OR8B2: variants seen among roughly 807,000 people sequenced by gnomAD.
The protein encoded by OR8B2 is olfactory receptor family 8 subfamily B member 2, also known as olfactory receptor 8B2.
For missense variants in OR8B2, 304 were observed against 379.6 expected, an observed-to-expected ratio of 0.80 and a Z score of 1.65; for synonymous variants, 98 against 138.2, an observed-to-expected ratio of 0.71 and a Z score of 2.04.
chr11:124,382,861 C>G lies in OR8B2; in HGVS notation c.483G>C (p.Gly161=), dbSNP rs575166006. The change falls in exon 2 of 2, where the codon GGG becomes GGC. Residue 161 remains glycine, a synonymous_variant. Transcript: ENST00000641451. Reference sequence around the variant, plus strand: ...TGCAGAAGGTGAGTCTAAGCATGCACCCGGTGTGGGCCGTGGCTCCAGCCA... The same window carrying G: ...TGCAGAAGGTGAGTCTAAGCATGCAGCCGGTGTGGGCCGTGGCTCCAGCCA... The part of the protein sequence containing the change: ...MGLAGATAHT[G]CMLRLTFCSA... 1.5e-5 allele frequency: 24 copies of G among 1,602,546 alleles called. 1 individual carries two copies. Among genetic ancestry groups the G allele is most frequent in the Middle Eastern group, 1.7e-4 (1 of 6,032 alleles).
the OR8B2 span, among the ~76,000 whole-genome samples, chr11:124,390,992 C>G: frequency 1.3e-5 from 2 of 152,092 alleles, no homozygotes; most frequent in South Asian, 4.1e-4. Context: ...GCTTCAAAGC[C>G]TTTTCTTTCT....
chr11:124,389,658 G>T, the OR8B2 span, among the ~76,000 whole-genome samples: 1 of 152,112 alleles, frequency 6.6e-6, no homozygotes, highest in Non-Finnish European at 1.5e-5. Flanking sequence ...AATCATTTTG[G>T]CAGAGAAAAA....
upstream of OR8B2, among the ~76,000 whole-genome samples, chr11:124,386,699 A>G (rs965626727): frequency 3.3e-5 from 5 of 151,906 alleles, no homozygotes; most frequent in African/African-American, 1.2e-4. Flanking sequence ...GCTATTGTGA[A>G]TAGTGCCGCA....
upstream of OR8B2, among the ~76,000 whole-genome samples, chr11:124,386,176 T>TA (rs1359406173): frequency 7.2e-5 from 11 of 151,916 alleles, no homozygotes; most frequent in East Asian, 2.1e-3. Flanking sequence ...TTCTACCTTT[T>TA]TTTTTTGTCC....
chr11:124,395,284 A>G, the OR8B2 span, among the ~76,000 whole-genome samples: 1 of 152,142 alleles, frequency 6.6e-6, no homozygotes, highest in Non-Finnish European at 1.5e-5. Flanking sequence ...CAAAAACAAA[A>G]CAAAACAAAA....
intron 1 of OR8B2, among the ~76,000 whole-genome samples, chr11:124,384,104 C>A (rs1167242981): frequency 6.6e-6 from 1 of 152,044 alleles, no homozygotes; most frequent in Non-Finnish European, 1.5e-5. Context: ...CCCTTAAACT[C>A]TTCTATATGT....
the OR8B2 span, among the ~76,000 whole-genome samples, chr11:124,393,814 A>G: frequency 6.6e-6 from 1 of 151,456 alleles, no homozygotes; most frequent in East Asian, 1.9e-4. Context: ...ACGTATGTTT[A>G]TTGTGGCACT....
the OR8B2 span, chr11:124,396,808 G>A: frequency 1.9e-6 from 3 of 1,590,548 alleles, no homozygotes; most frequent in African/African-American, 2.7e-5. Flanking sequence ...AGGAGGGGGA[G>A]TATGTCACAC....
the OR8B2 span, among the ~76,000 whole-genome samples, chr11:124,392,239 C>G: frequency 9.2e-6 from 1 of 108,222 alleles, no homozygotes; most frequent in African/African-American, 4.4e-5. Context: ...TCCTATTCAA[C>G]ATAGTGTTGG....
At chr11:124,394,347 G>A in the OR8B2 span, among the ~76,000 whole-genome samples, 1 of 152,052 alleles carries the variant, frequency 6.6e-6, no homozygotes. Context: ...AGAAGGAGAT[G>A]TCAAGAAATA....
chr11:124,391,479 A>G, the OR8B2 span, among the ~76,000 whole-genome samples: 1 of 152,198 alleles, frequency 6.6e-6, no homozygotes, highest in Admixed American at 6.5e-5. Context: ...AGAGAATACT[A>G]CAAACACCTC....
chr11:124,389,920 C>T, the OR8B2 span, among the ~76,000 whole-genome samples: 31 of 151,910 alleles, frequency 2.0e-4, no homozygotes, highest in African/African-American at 2.2e-4. Context: ...AAGAGCAAAA[C>T]ATTGGCACAG....
At chr11:124,396,173 A>G in the OR8B2 span, 1 of 427,504 alleles carries the variant, frequency 2.3e-6, no homozygotes. Context: ...TGATAATGAA[A>G]AATATCAGTG....
At chr11:124,396,546 T>A in the OR8B2 span, 30 of 1,613,856 alleles carry the variant, frequency 1.9e-5, no homozygotes, top group Non-Finnish European at 2.5e-5. Context: ...AACTTTTCCC[T>A]GCTCCATAGA....
chr11:124,396,630 C>T, the OR8B2 span: 10 of 1,611,900 alleles, frequency 6.2e-6, no homozygotes, highest in Non-Finnish European at 7.6e-6. Context: ...ATGAGAGCTA[C>T]AAGTACTGAA....
chr11:124,396,212 A>G, the OR8B2 span: 13 of 555,456 alleles, frequency 2.3e-5, no homozygotes, highest in Middle Eastern at 4.7e-4. Flanking sequence ...AGATGCCATG[A>G]CCTATTTAGT....
rs1179574703 is a variant in OR8B2, at chr11:124,384,446, TG to T, written c.-91del. ...ACCTCCACTGCCCTGGAGGTAGAACTGGTGGTGAAGGTATCTACGTTGACCA... is the reference window on the plus strand; with the variant it reads ...ACCTCCACTGCCCTGGAGGTAGAACTGTGGTGAAGGTATCTACGTTGACCA... On this transcript the variant is annotated 5_prime_UTR_variant, in exon 1 of 2. Coordinates refer to ENST00000641451, the MANE Select transcript of OR8B2 (RefSeq NM_001005468.2). 6.6e-6 allele frequency: 1 copy of T among 152,232 alleles called. No individual in the cohort carries two copies. The highest frequency in any genetic ancestry group is 2.4e-5 in the African/African-American group (1 of 41,470). 9.4% of individuals were successfully genotyped at this position (152,232 alleles called of 1,614,324 possible).
the OR8B2 span, chr11:124,396,666 T>A: frequency 6.2e-7 from 1 of 1,612,918 alleles, no homozygotes; most frequent in South Asian, 1.1e-5. Flanking sequence ...TTGAGTGGAT[T>A]TGATATGAAG....
In OR8B2 at chr11:124,383,199, A is replaced by G. The variant is rs1860634529; in HGVS notation, c.145T>C (p.Phe49Leu). 1.2e-6 allele frequency: 2 copies of G among 1,613,998 alleles called. No individual in the cohort carries two copies. The highest frequency in any genetic ancestry group is 1.7e-6 in the Non-Finnish European group (2 of 1,179,878). The change falls in exon 2 of 2, where the codon TTC (phenylalanine) becomes CTC (leucine). Residue 49 changes from phenylalanine to leucine, a missense_variant. Phe to Leu is a conservative substitution (Grantham distance 22). Transcript: ENST00000641451. Reference protein sequence around the residue: ...MVGNLGLITLFGLNSHLHTPM... With the variant: ...MVGNLGLITLLGLNSHLHTPM... ...GTGTGGAGGTGAGAATTTAGACCGAAAAGAGTGATCAAGCCAAGGTTGCCT... is the reference window on the plus strand; with the variant it reads ...GTGTGGAGGTGAGAATTTAGACCGAGAAGAGTGATCAAGCCAAGGTTGCCT...
Sources: gnomAD v4.1 joint callset for allele counts (sites outside exome capture counted in the v4.1 genomes callset) on GRCh38, gnomAD v4.1.1 for gene constraint, MANE v1.5 for transcripts, NCBI Gene and HGNC (gene_info 2026-07-23, HGNC 2026-07-21) for gene names.